The following ITPR2 variants were observed in gnomAD, a reference collection of about 807,000 sequenced individuals.
ITPR2 encodes inositol 1,4,5-trisphosphate-gated calcium channel ITPR2.
In ITPR2, 207 loss-of-function variants were observed where a neutral mutation model predicts 317.1. That is an observed-to-expected ratio of 0.65 (90% CI 0.58 to 0.73). ITPR2 has a LOEUF of 0.73. Ranked by LOEUF, ITPR2 falls within the 30% of genes least tolerant of loss-of-function variation. The pLI, the probability that ITPR2 is intolerant of heterozygous loss-of-function variation, is 0.00. For missense variants in ITPR2, 2,613 were observed against 3,284.0 expected (o/e 0.80, Z 4.99); for synonymous variants, 1,156 against 1,149.1 (o/e 1.01, Z -0.12).
At chr12:26,760,580 C>G (rs929151604) in intron 2 of ITPR2, among the ~76,000 whole-genome samples, 4 of 152,098 alleles carry the variant, frequency 2.6e-5, no homozygotes, top group African/African-American at 9.7e-5. Context: ...AGCCCTAATG[C>G]CCTAACAAAT....
chr12:26,499,277 G>A (rs1314371699), intron 37 of ITPR2, among the ~76,000 whole-genome samples: 2 of 152,030 alleles, frequency 1.3e-5, no homozygotes, highest in Admixed American at 6.5e-5. Flanking sequence ...AAAATCAAAC[G>A]AGTAACACTC....
intron 45 of ITPR2, among the ~76,000 whole-genome samples, chr12:26,462,381 C>T (rs1219587066): frequency 1.3e-5 from 2 of 152,016 alleles, no homozygotes; most frequent in African/African-American, 4.8e-5. Context: ...CGGTTTTTGC[C>T]ACTGGTAAAA....
intron 45 of ITPR2, among the ~76,000 whole-genome samples, chr12:26,454,565 ACTTTT>A (rs1470267227): frequency 6.6e-6 from 1 of 152,118 alleles, no homozygotes; most frequent in Non-Finnish European, 1.5e-5. Context: ...TGATAGCAAC[ACTTTT>A]CTTTTAAAAG....
At chr12:26,626,046 C>T (rs1378646841) in intron 23 of ITPR2, among the ~76,000 whole-genome samples, 2 of 152,292 alleles carry the variant, frequency 1.3e-5, no homozygotes, top group South Asian at 2.1e-4. Flanking sequence ...ACTGCAGCGT[C>T]GACCTTCCAG....
rs184593623 is a variant in ITPR2 at position 26,791,282 on chromosome 12, T to A, written c.93-1055A>T. Among the ~76,000 whole-genome samples the A allele has an allele frequency of 3.7e-4, 57 of 152,256 alleles. 1 individual carries two copies. Among genetic ancestry groups the A allele is most frequent in the African/African-American group, 1.3e-3 (55 of 41,550 alleles). The stretch of plus-strand genomic sequence containing the variant: ...GGTTACGTGGTGTGAATACCCAGGT[T>A]TTTTTCCAGAATATTGTGAGAATGC... On this transcript the variant is annotated intron_variant, in intron 1 of 56. Coordinates refer to ENST00000381340, the MANE Select transcript of ITPR2 (RefSeq NM_002223.4).
chr12:26,790,405 T>C (rs1284379531), intron 1 of ITPR2, among the ~76,000 whole-genome samples, 178 bp from the exon 2 acceptor site: 1 of 152,242 alleles, frequency 6.6e-6, no homozygotes, highest in Non-Finnish European at 1.5e-5. Flanking sequence ...AATTAAAGCC[T>C]GGTTTATGAA....
rs185414154 is a variant in ITPR2, at chr12:26,676,545, A to G, written c.1409+5329T>C. Among the ~76,000 whole-genome samples, 108 of 152,076 alleles carry G rather than the reference A, an allele frequency of 7.1e-4. No individual in the cohort carries two copies. In the Middle Eastern group the frequency reaches 0.01, roughly 14 times the overall value. On this transcript the variant is annotated intron_variant, in intron 13 of 56. Transcript: ENST00000381340. ...CATATACATAAAACCTAAAAAGATTATAACCCATAGGCCTCTCCACTGAAT... is the reference window on the plus strand; with the variant it reads ...CATATACATAAAACCTAAAAAGATTGTAACCCATAGGCCTCTCCACTGAAT...
At chr12:26,790,803 C>T (rs1485566819) in intron 1 of ITPR2, among the ~76,000 whole-genome samples, 1 of 152,176 alleles carries the variant, frequency 6.6e-6, no homozygotes, top group Non-Finnish European at 1.5e-5. Context: ...GCCTTCCTGG[C>T]CTGCATTCAA....
intron 37 of ITPR2, among the ~76,000 whole-genome samples, chr12:26,531,642 G>A (rs1465844825): frequency 2.9e-5 from 4 of 135,766 alleles, no homozygotes; most frequent in Non-Finnish European, 4.7e-5. Context: ...TAAGCTTCAT[G>A]TTTACTGTAT....
intron 37 of ITPR2, among the ~76,000 whole-genome samples, chr12:26,516,240 A>AGGAAGGGAAG (rs1565574387): frequency 8.2e-4 from 20 of 24,268 alleles, no homozygotes; most frequent in Non-Finnish European, 1.6e-3. Context: ...AGGAAAGGAA[A>AGGAAGGGAAG]GGAAAGGAAA....
chr12:26,681,679 T>C (rs1382902311), intron 13 of ITPR2, among the ~76,000 whole-genome samples, 195 bp downstream of exon 13: 1 of 152,176 alleles, frequency 6.6e-6, no homozygotes, highest in Non-Finnish European at 1.5e-5. Flanking sequence ...GACAAGTAAA[T>C]ATTCCAACAG....
At position 26,401,414 on chromosome 12, in the gene ITPR2, C is replaced by A. The variant is rs560374459; in HGVS notation, c.7400-1156G>T. Among the ~76,000 whole-genome samples, 3 of 152,130 alleles carry A rather than the reference C, an allele frequency of 2.0e-5. No individual in the cohort carries two copies. The South Asian group carries it at 6.2e-4, about 32-fold the overall frequency. On this transcript the variant is annotated intron_variant, in intron 52 of 56. Coordinates refer to ENST00000381340, the MANE Select transcript of ITPR2 (RefSeq NM_002223.4). ...GCACAATGTATTTATGTGAAAAATT[C>A]TATTTAGGGATAAAGGAGGAAAGAG...
chr12:26,648,083 G>A (rs1259598030), intron 21 of ITPR2, among the ~76,000 whole-genome samples: 1 of 152,074 alleles, frequency 6.6e-6, no homozygotes, highest in Non-Finnish European at 1.5e-5. Context: ...TGTGACCAAG[G>A]ATGCAGAAGA....
At chr12:26,784,732 T>C (rs1327805032) in intron 2 of ITPR2, among the ~76,000 whole-genome samples, 8 of 151,056 alleles carry the variant, frequency 5.3e-5, no homozygotes, top group Admixed American at 2.6e-4. Context: ...CCCCCCAAAG[T>C]GCCGAGATTG....
intron 55 of ITPR2, among the ~76,000 whole-genome samples, chr12:26,343,533 G>A (rs922470093): frequency 6.6e-6 from 1 of 152,128 alleles, no homozygotes; most frequent in Non-Finnish European, 1.5e-5. Flanking sequence ...TGGTAAAATG[G>A]TAAGTTTTGT....
intron 37 of ITPR2, among the ~76,000 whole-genome samples, chr12:26,508,756 T>C (rs1943254345): frequency 6.6e-6 from 1 of 152,182 alleles, no homozygotes; most frequent in Non-Finnish European, 1.5e-5. Context: ...ATCTGAACAA[T>C]AACACATGTT....
At chr12:26,530,603 T>C (rs1231898712) in intron 37 of ITPR2, among the ~76,000 whole-genome samples, 1 of 152,200 alleles carries the variant, frequency 6.6e-6, no homozygotes, top group East Asian at 1.9e-4. Context: ...TGCTTTGGAC[T>C]TCTGATTCCA....
At chr12:26,669,965 T>A (rs545930136) in intron 13 of ITPR2, among the ~76,000 whole-genome samples, 1 of 152,206 alleles carries the variant, frequency 6.6e-6, no homozygotes, top group Admixed American at 6.5e-5. Flanking sequence ...CAGTCTGAGA[T>A]CAAACTGCAA....
At position 26,597,045 on chromosome 12, in the gene ITPR2, G is replaced by T. The variant is rs201029771; in HGVS notation, c.4092C>A (p.Asp1364Glu). ...ILLHMMCSER[D>E]RGDESGPLAY... ...CTAAGGGGCCACTCTCATCCCCTCGGTCTCTCTCTGAACACATCATATGGA... is the reference window on the plus strand; with the variant it reads ...CTAAGGGGCCACTCTCATCCCCTCGTTCTCTCTCTGAACACATCATATGGA... Residue 1364 changes from aspartate to glutamate, a missense_variant, in exon 31 of 57, where the codon GAC (aspartate) becomes GAA (glutamate). This residue lies in a region of ITPR2 where 817 missense variants were observed against 897.6 expected (regional missense o/e 0.91). Transcript: ENST00000381340. 6.2e-7 allele frequency: 1 copy of T among 1,614,056 alleles called. No individual in the cohort carries two copies. Among genetic ancestry groups the T allele is most frequent in the African/African-American group, 1.3e-5 (1 of 75,012 alleles).
Sources: gnomAD v4.1 joint callset for allele counts (sites outside exome capture counted in the v4.1 genomes callset) on GRCh38, gnomAD v4.1.1 for gene constraint, gnomAD v4.1.1 regional missense constraint, MANE v1.5 for transcripts, NCBI Gene and HGNC (gene_info 2026-07-23, HGNC 2026-07-21) for gene names.